The following RALYL variants were observed in gnomAD, a reference collection of about 807,000 sequenced individuals.
RALYL encodes the protein RNA-binding Raly-like protein.
A neutral mutation model predicts 35.1 loss-of-function variants in RALYL; 29 were observed. The observed-to-expected ratio is 0.83, with a 90% CI of 0.61 to 1.13. RALYL has a LOEUF of 1.13. RALYL is among the 50% of genes most tolerant of loss of function. The probability of loss-of-function intolerance (pLI) is 0.00; values close to 1 mark genes in which losing one functional copy is unlikely to be tolerated. For synonymous variants in RALYL, 120 were observed against 127.6 expected (o/e 0.94, Z 0.40); for missense variants, 359 against 360.4 (o/e 1.00, Z 0.03).
At chr8:84,197,881 CCTT>C (rs1315747748) in intron 1 of RALYL, among the ~76,000 whole-genome samples, 1 of 151,852 alleles carries the variant, frequency 6.6e-6, no homozygotes, top group Non-Finnish European at 1.5e-5. Context: ...TTGTTTGATG[CCTT>C]CTTCTCCCAT....
intron 2 of RALYL, among the ~76,000 whole-genome samples, chr8:84,760,893 C>T (rs887104012): frequency 6.6e-6 from 1 of 150,822 alleles, no homozygotes; most frequent in African/African-American, 2.5e-5. Flanking sequence ...TCTTCTGTAT[C>T]AGAATAGAAT....
intron 2 of RALYL, among the ~76,000 whole-genome samples, chr8:84,663,577 A>G (rs28786690): frequency 0.074 from 11,184 of 152,016 alleles, 1,000 homozygotes; most frequent in African/African-American, 0.21. Context: ...CATCAGTGAC[A>G]TTGAGCTTTT....
At chr8:84,712,518 G>T (rs1842348488) in intron 2 of RALYL, among the ~76,000 whole-genome samples, 2 of 151,996 alleles carry the variant, frequency 1.3e-5, no homozygotes, top group Admixed American at 6.6e-5. Flanking sequence ...GTTTAACAAT[G>T]CCCCACACAT....
At chr8:84,441,348 G>A (rs902196494) in intron 1 of RALYL, among the ~76,000 whole-genome samples, 2 of 152,018 alleles carry the variant, frequency 1.3e-5, no homozygotes, top group Non-Finnish European at 2.9e-5. Context: ...GCACTGAGGT[G>A]GAGCCCAAAA....
chr8:84,306,742 A>C (rs909799832), intron 1 of RALYL, among the ~76,000 whole-genome samples: 1 of 152,210 alleles, frequency 6.6e-6, no homozygotes, highest in African/African-American at 2.4e-5. Context: ...AGGGATTTGA[A>C]CAAAGATGAG....
chr8:84,285,354 T>C (rs571297203), intron 1 of RALYL, among the ~76,000 whole-genome samples: 3 of 152,298 alleles, frequency 2.0e-5, no homozygotes, highest in African/African-American at 7.2e-5. Context: ...GAGTTATCAC[T>C]CAAGTAAAAA....
At chr8:84,329,065 G>C (rs964369950) in intron 1 of RALYL, among the ~76,000 whole-genome samples, 9 of 152,238 alleles carry the variant, frequency 5.9e-5, no homozygotes, top group African/African-American at 2.2e-4. Flanking sequence ...CTGTGATGAA[G>C]ATACGAGTGC....
chr8:84,615,053 C>G lies in RALYL; in HGVS notation c.256+85476C>G, dbSNP rs535631476. ...GCTACTATATGTTCAGTCCTTGTCA[C>G]AGTGCCTGACAGCTAATAGGTATTT... On this transcript the variant is annotated intron_variant, in intron 2 of 8. Coordinates refer to ENST00000521268, the MANE Select transcript of RALYL (RefSeq NM_173848.7). Among the ~76,000 whole-genome samples, 12 of 151,822 alleles carry G rather than the reference C, an allele frequency of 7.9e-5. No homozygotes were observed. In the East Asian group the frequency reaches 2.1e-3, roughly 27 times the overall value.
chr8:84,626,906 T>C (rs1181989807), intron 2 of RALYL, among the ~76,000 whole-genome samples: 1 of 152,170 alleles, frequency 6.6e-6, no homozygotes, highest in African/African-American at 2.4e-5. Flanking sequence ...TTTGCTGCGC[T>C]TTCACAGCCT....
intron 2 of RALYL, among the ~76,000 whole-genome samples, chr8:84,651,414 A>C (rs1403679499): frequency 1.3e-5 from 2 of 151,926 alleles, no homozygotes; most frequent in Non-Finnish European, 2.9e-5. Flanking sequence ...AGTGAAGATA[A>C]AATACTTATG....
intron 1 of RALYL, among the ~76,000 whole-genome samples, chr8:84,252,324 G>T (rs1165397245): frequency 6.6e-5 from 10 of 151,994 alleles, no homozygotes; most frequent in Non-Finnish European, 1.0e-4. Context: ...GTTACATGAA[G>T]ATATTATATC....
At chr8:84,891,603 G>A (rs1018682643) in intron 8 of RALYL, among the ~76,000 whole-genome samples, 5 of 152,100 alleles carry the variant, frequency 3.3e-5, no homozygotes, top group African/African-American at 1.2e-4. Context: ...TATCATTGGA[G>A]GCTTAGGGAA....
At chr8:84,261,563 C>G (rs1439064874) in intron 1 of RALYL, among the ~76,000 whole-genome samples, 1 of 152,184 alleles carries the variant, frequency 6.6e-6, no homozygotes, top group East Asian at 1.9e-4. Flanking sequence ...AATTAAACCT[C>G]TTTCCTTACC....
At chr8:84,469,683 A>G (rs377635542) in intron 1 of RALYL, among the ~76,000 whole-genome samples, 49 of 152,246 alleles carry the variant, frequency 3.2e-4, no homozygotes, top group East Asian at 1.9e-3. Context: ...CGAGCTTCCC[A>G]GCTGCTTTGT....
At chr8:84,888,355 T>C (rs1003831111) in intron 8 of RALYL, among the ~76,000 whole-genome samples, 4 of 152,220 alleles carry the variant, frequency 2.6e-5, no homozygotes, top group Non-Finnish European at 5.9e-5. Context: ...GTAATCATTA[T>C]ACTGCTCATT....
intron 4 of RALYL, among the ~76,000 whole-genome samples, chr8:84,845,500 CCTT>C (rs1834449717): frequency 1.3e-5 from 2 of 151,986 alleles, no homozygotes; most frequent in African/African-American, 4.8e-5. Flanking sequence ...ATGTCTTTTG[CCTT>C]CTTTTTAATA....
At chr8:84,353,392 C>G (rs1851267577) in intron 1 of RALYL, among the ~76,000 whole-genome samples, 1 of 150,278 alleles carries the variant, frequency 6.7e-6, no homozygotes, top group Non-Finnish European at 1.5e-5. Context: ...ATTTTTGTGT[C>G]TCCCACAGAT....
At chr8:84,708,815 A>G (rs1409556424) in intron 2 of RALYL, among the ~76,000 whole-genome samples, 1 of 152,188 alleles carries the variant, frequency 6.6e-6, no homozygotes, top group Non-Finnish European at 1.5e-5. Context: ...AAGACACATG[A>G]AGGTACATTT....
chr8:84,681,700 T>A (rs1206451607), intron 2 of RALYL, among the ~76,000 whole-genome samples: 1 of 152,180 alleles, frequency 6.6e-6, no homozygotes, highest in Non-Finnish European at 1.5e-5. Context: ...GTATCCTAAC[T>A]GTTTGCCGCA....
Sources: allele counts gnomAD v4.1 joint callset (sites outside exome capture counted in the v4.1 genomes callset), GRCh38; gene constraint gnomAD v4.1.1; transcripts MANE v1.5; gene names NCBI Gene and HGNC (gene_info 2026-07-23, HGNC 2026-07-21).